The following AQR variants were observed in gnomAD, a reference collection of about 807,000 sequenced individuals.
AQR encodes the protein RNA helicase aquarius.
AQR carries 61 observed loss-of-function variants against 180.5 expected under a neutral mutation model. The observed-to-expected ratio is 0.34, with a 90% CI of 0.28 to 0.42. The LOEUF (loss-of-function observed/expected upper bound fraction) is 0.42, where lower values mean the gene tolerates loss of function less well. Ranked by LOEUF, AQR falls within the 10% of genes least tolerant of loss-of-function variation. The pLI, the probability that AQR is intolerant of heterozygous loss-of-function variation, is 1.00. For missense variants in AQR, 1,281 were observed against 1,798.3 expected, an observed-to-expected ratio of 0.71 and a Z score of 5.20; for synonymous variants, 551 against 588.8, an observed-to-expected ratio of 0.94 and a Z score of 0.93.
At chr15:34,945,823 G>A (rs1176384289) in intron 5 of AQR, among the ~76,000 whole-genome samples, 1 of 152,134 alleles carries the variant, frequency 6.6e-6, no homozygotes, top group Non-Finnish European at 1.5e-5. Context: ...CTGACTGGAA[G>A]AGAAGAAACT....
chr15:34,923,616 C>G (rs1451360219), intron 13 of AQR, among the ~76,000 whole-genome samples: 2 of 152,122 alleles, frequency 1.3e-5, no homozygotes, highest in Non-Finnish European at 2.9e-5. Context: ...GTATATGATG[C>G]AAGGTATGGG....
chr15:34,899,906 A>C (rs1318798671), intron 20 of AQR, among the ~76,000 whole-genome samples: 1 of 151,928 alleles, frequency 6.6e-6, no homozygotes, highest in East Asian at 1.9e-4. Flanking sequence ...TATTTTATTT[A>C]TTTAGAGATG....
intron 10 of AQR, 74 bp from the exon 11 acceptor site, chr15:34,932,508 T>A: frequency 1.8e-6 from 2 of 1,097,582 alleles, no homozygotes; most frequent in Non-Finnish European, 2.6e-6. Flanking sequence ...TAGTGATATT[T>A]AACTCTCAAG....
At chr15:34,958,821 C>T (rs1393034268) in intron 3 of AQR, among the ~76,000 whole-genome samples, 4 of 152,130 alleles carry the variant, frequency 2.6e-5, no homozygotes. Context: ...CATTCATACT[C>T]ACCTTCAGAC....
chr15:34,869,496 A>C (rs1446022902), intron 31 of AQR: 1 of 152,210 alleles, frequency 6.6e-6, no homozygotes, highest in Non-Finnish European at 1.5e-5. Context: ...TGACATTAGC[A>C]GGGCAGAATA....
In AQR at chr15:34,862,874, G is replaced by C; in HGVS notation, c.4022C>G (p.Thr1341Ser). ...HIIPTEPFPT[T>S]RKNGERPSHE... ...TGAAGAAAGAAGTCCTACCTTTCTA[G>C]TAGTTGGGAAAGGTTCTGTTGGAAT... The change falls in exon 33 of 35, where the codon ACT becomes AGT. Residue 1341 changes from threonine (T) to serine (S), a missense_variant. Coordinates refer to ENST00000156471, the MANE Select transcript of AQR (RefSeq NM_014691.3). 6.2e-7 allele frequency: 1 copy of C among 1,613,474 alleles called. No individual in the cohort carries two copies. The highest frequency in any genetic ancestry group is 2.2e-5 in the East Asian group (1 of 44,864).
chr15:34,939,487 T>C (rs992638574), intron 8 of AQR, among the ~76,000 whole-genome samples: 2 of 152,238 alleles, frequency 1.3e-5, no homozygotes, highest in Non-Finnish European at 2.9e-5. Flanking sequence ...TTAATGTAGT[T>C]AAAATGAGAT....
intron 14 of AQR, 113 bp from the exon 15 acceptor site, chr15:34,918,491 AT>A (rs954654025): frequency 2.6e-4 from 326 of 1,258,392 alleles, no homozygotes; most frequent in Non-Finnish European, 3.1e-4. Context: ...TCAACAAGCG[AT>A]TTTTTTTTCT....
intron 9 of AQR, among the ~76,000 whole-genome samples, chr15:34,937,741 G>A (rs990841114): frequency 4.7e-4 from 71 of 151,526 alleles, no homozygotes; most frequent in Non-Finnish European, 8.5e-4. Context: ...AAAATTAGCC[G>A]GGCGTGGTGG....
At chr15:34,963,379 T>C (rs901418283) in intron 2 of AQR, among the ~76,000 whole-genome samples, 2 of 152,188 alleles carry the variant, frequency 1.3e-5, no homozygotes, top group Admixed American at 6.5e-5. Flanking sequence ...ACTTATTCAA[T>C]TGAATAAGTT....
chr15:34,932,310 A>G lies in AQR; in HGVS notation c.900+8T>C, dbSNP rs769762212. 1 of 1,587,420 alleles carries G rather than the reference A, an allele frequency of 6.3e-7. No homozygotes were observed. Among genetic ancestry groups the G allele is most frequent in the Non-Finnish European group, 8.7e-7 (1 of 1,155,754 alleles). On this transcript the variant is annotated splice_region_variant and intron_variant, in intron 11 of 34. Coordinates refer to ENST00000156471, the MANE Select transcript of AQR (RefSeq NM_014691.3). ...ACAATAAATACGTTCAGATACATCA[A>G]TATTCACCTGGGAAAAAAGATGGCC...
intron 15 of AQR, among the ~76,000 whole-genome samples, chr15:34,916,535 A>G (rs1449585113): frequency 6.6e-6 from 1 of 152,152 alleles, no homozygotes; most frequent in Non-Finnish European, 1.5e-5. Flanking sequence ...ATCTAACTCA[A>G]TTTCTTTCAA....
At chr15:34,885,930 T>C (rs942197898) in intron 25 of AQR, among the ~76,000 whole-genome samples, 3 of 152,190 alleles carry the variant, frequency 2.0e-5, no homozygotes, top group Admixed American at 1.3e-4. Flanking sequence ...TCCTAGTCCA[T>C]TTAAAATTAT....
At chr15:34,932,529 A>G (rs1478755677) in intron 10 of AQR, 95 bp from the exon 11 acceptor site, 5 of 890,108 alleles carry the variant, frequency 5.6e-6, no homozygotes, top group Non-Finnish European at 8.7e-6. Context: ...TATTAATCAC[A>G]TACAAGGTAC....
In AQR at chr15:34,910,149, T is replaced by C. The variant is rs1893477341; in HGVS notation, c.1649A>G (p.Lys550Arg). 1 of 1,614,222 alleles carries C rather than the reference T, an allele frequency of 6.2e-7. No individual in the cohort carries two copies. Among genetic ancestry groups the C allele is most frequent in the Non-Finnish European group, 8.5e-7 (1 of 1,180,022 alleles). ...TACAAACTTACCTTCCCATTCATCT[T>C]TGATGTGATCTCTGACATTGAGATT... ...TINLNVRDHI[K>R]DEWEGLRKHD... The change falls in exon 17 of 35, where the codon AAA becomes AGA. Residue 550 changes from lysine to arginine, a missense_variant. This residue lies in a region of AQR where 200 missense variants were observed against 293.4 expected (regional missense o/e 0.68). Transcript: ENST00000156471.
Position 34,960,818 on chromosome 15 carries a change from T to C in AQR, c.133-4A>G, listed in dbSNP as rs1211256221. 5.8e-6 allele frequency: 5 copies of C among 867,466 alleles called. No individual in the cohort carries two copies. The highest frequency in any genetic ancestry group is 8.8e-6 in the Non-Finnish European group (5 of 570,876). The allele number at this position is 867,466 out of a possible 1,614,324, so 53.7% of individuals were successfully genotyped here. ...TTTCATATATATCTTCAATAACCTG[T>C]TATAAAAATATAAAAATGTTTAATA... On this transcript the variant is annotated splice_polypyrimidine_tract_variant and splice_region_variant and intron_variant, in intron 2 of 34. Coordinates refer to ENST00000156471, the MANE Select transcript of AQR (RefSeq NM_014691.3).
At chr15:34,910,590 A>G (rs1893485932) in intron 16 of AQR, among the ~76,000 whole-genome samples, 1 of 152,218 alleles carries the variant, frequency 6.6e-6, no homozygotes, top group South Asian at 2.1e-4. Flanking sequence ...CCAACCTAAG[A>G]AAAAAGCTAA....
intron 27 of AQR, among the ~76,000 whole-genome samples, chr15:34,879,899 A>G (rs1295861323): frequency 1.3e-5 from 2 of 152,248 alleles, no homozygotes; most frequent in East Asian, 3.9e-4. Flanking sequence ...TACAAAACTG[A>G]ATGTGGAGAA....
intron 1 of AQR, among the ~76,000 whole-genome samples, chr15:34,966,950 C>T (rs2050312656): frequency 7.3e-6 from 1 of 136,344 alleles, no homozygotes; most frequent in Non-Finnish European, 1.5e-5. Context: ...GATCTCAGCT[C>T]ACTGCAACCT....
Sources: allele counts gnomAD v4.1 joint callset (sites outside exome capture counted in the v4.1 genomes callset), GRCh38; gene constraint gnomAD v4.1.1; regional missense constraint gnomAD v4.1.1; transcripts MANE v1.5; gene names NCBI Gene and HGNC (gene_info 2026-07-23, HGNC 2026-07-21).